The following TMPRSS6 variants were observed in gnomAD, a reference collection of about 807,000 sequenced individuals.
TMPRSS6 encodes the protein transmembrane protease serine 6.
Under a neutral mutation model 101.5 loss-of-function variants are expected in TMPRSS6, and 67 were observed. That is an observed-to-expected ratio of 0.66 (90% CI 0.54 to 0.81). TMPRSS6 has a LOEUF of 0.81. Among genes scored for constraint, TMPRSS6 ranks in the 30% least tolerant of loss-of-function variants. The pLI, the probability that TMPRSS6 is intolerant of heterozygous loss-of-function variation, is 0.00. For synonymous variants in TMPRSS6, 453 were observed against 464.9 expected, an observed-to-expected ratio of 0.97 and a Z score of 0.33; for missense variants, 1,034 against 1,088.7, an observed-to-expected ratio of 0.95 and a Z score of 0.71.
At chr22:37,077,337 C>G (rs1394033417) in intron 10 of TMPRSS6, among the ~76,000 whole-genome samples, 1 of 152,152 alleles carries the variant, frequency 6.6e-6, no homozygotes, top group East Asian at 1.9e-4. Flanking sequence ...AGGTCTGAGC[C>G]CCCTACATGC....
At chr22:37,082,718 C>G (rs572485856) in intron 10 of TMPRSS6, 2 of 348,930 alleles carry the variant, frequency 5.7e-6, no homozygotes, top group East Asian at 1.5e-4. Context: ...CCTGATGTCA[C>G]ACTCCATCAG....
chr22:37,107,325 C>T (rs1472597476), intron 1 of TMPRSS6, among the ~76,000 whole-genome samples: 5 of 152,130 alleles, frequency 3.3e-5, no homozygotes, highest in Non-Finnish European at 7.4e-5. Flanking sequence ...TCTTGGGTTT[C>T]CTGCCCAGCA....
intron 1 of TMPRSS6, among the ~76,000 whole-genome samples, chr22:37,108,983 A>G (rs1174963161): frequency 6.6e-6 from 1 of 152,162 alleles, no homozygotes; most frequent in East Asian, 1.9e-4. Flanking sequence ...TCTATTCATG[A>G]CACAAAAATT....
chr22:37,084,194 G>C, intron 10 of TMPRSS6, 101 bp downstream of exon 10: 2 of 1,040,886 alleles, frequency 1.9e-6, no homozygotes, highest in Non-Finnish European at 2.9e-6. Flanking sequence ...GCCCCTCTGA[G>C]ATTGGGGACT....
At chr22:37,106,586 C>T (rs1378309241) in intron 1 of TMPRSS6, among the ~76,000 whole-genome samples, 1 of 152,184 alleles carries the variant, frequency 6.6e-6, no homozygotes, top group East Asian at 1.9e-4. Flanking sequence ...AACTTCCCAC[C>T]CAAACCCCTG....
rs1050380051 is a variant in TMPRSS6, at chr22:37,084,313, C to A, written c.1178G>T (p.Trp393Leu). 1.2e-6 allele frequency: 2 copies of A among 1,613,698 alleles called. No homozygotes were observed. The highest frequency in any genetic ancestry group is 2.7e-5 in the African/African-American group (2 of 75,006). ...GTGGTACCTCCTGTTCTGGATCGTC[C>A]ACTGGCCCTGGGTGCACGGCAAATC... ...KYDLPCTQGQ[W>L]TIQNRRLCGL... Residue 393 changes from tryptophan to leucine, a missense_variant, in exon 10 of 18, where the codon TGG (tryptophan) becomes TTG (leucine). Transcript: ENST00000676104.
chr22:37,075,766 G>A (rs894642689), intron 10 of TMPRSS6, among the ~76,000 whole-genome samples: 2 of 152,162 alleles, frequency 1.3e-5, no homozygotes, highest in African/African-American at 4.8e-5. Flanking sequence ...GCCAGGCATG[G>A]TGGCACATGC....
At chr22:37,068,644 C>G in intron 16 of TMPRSS6, 1 of 779,698 alleles carries the variant, frequency 1.3e-6, no homozygotes, top group Non-Finnish European at 2.4e-6. Flanking sequence ...CTTGGTTTCT[C>G]CATCCATAAA....
Position 37,101,163 on chromosome 22 carries a change from C to A in TMPRSS6, c.202+2053G>T. 6.6e-6 allele frequency among the ~76,000 whole-genome samples: 1 copy of A among 151,888 alleles called. No homozygotes were observed. Among genetic ancestry groups the A allele is most frequent in the South Asian group, 2.1e-4 (1 of 4,806 alleles). ...AGAGGGCATCCTTGCTGGTGCTGGGCCATTGTGTGGGCAGAGGGGGCGGGA... is the reference window on the plus strand; with the variant it reads ...AGAGGGCATCCTTGCTGGTGCTGGGACATTGTGTGGGCAGAGGGGGCGGGA... On this transcript the variant is annotated intron_variant, in intron 2 of 17. Coordinates refer to ENST00000676104, the MANE Select transcript of TMPRSS6 (RefSeq NM_001374504.1). The surrounding 1 kb of genome is among the most constrained non-coding windows in gnomAD (Gnocchi z 4.1).
chr22:37,084,056 A>G, intron 10 of TMPRSS6: 1 of 599,520 alleles, frequency 1.7e-6, no homozygotes, highest in Admixed American at 3.0e-5. Context: ...GTGTCTGATG[A>G]CCAAACGTGT....
intron 7 of TMPRSS6, 97 bp downstream of exon 7, chr22:37,089,481 C>A (rs1315551811): frequency 3.2e-6 from 4 of 1,242,318 alleles, no homozygotes; most frequent in African/African-American, 3.0e-5. Context: ...AAGGTCCTAC[C>A]CTCCCTTGTC....
intron 10 of TMPRSS6, among the ~76,000 whole-genome samples, chr22:37,077,866 G>A (rs1486703187): frequency 6.6e-6 from 1 of 152,194 alleles, no homozygotes; most frequent in East Asian, 1.9e-4. Context: ...AGGGTACTCA[G>A]TCATTTTGCG....
chr22:37,079,017 G>GAAAGAAAGAAAGAAAGAA (rs374910501), intron 10 of TMPRSS6, among the ~76,000 whole-genome samples: 12 of 93,308 alleles, frequency 1.3e-4, no homozygotes, highest in South Asian at 9.8e-4. Context: ...AAGAAAGAAA[G>GAAAGAAAGAAAGAAAGAA]AGAAAGAGAG....
intron 10 of TMPRSS6, among the ~76,000 whole-genome samples, chr22:37,077,490 A>G (rs1313299603): frequency 6.6e-6 from 1 of 152,246 alleles, no homozygotes; most frequent in Non-Finnish European, 1.5e-5. Context: ...AGTCATGTTT[A>G]TAGTAACACT....
chr22:37,098,355 C>A (rs1400550617), intron 3 of TMPRSS6, 61 bp downstream of exon 3: 4 of 1,604,708 alleles, frequency 2.5e-6, no homozygotes, highest in African/African-American at 1.3e-5. Context: ...TGTGATCAGA[C>A]CCCACCCCTC....
At chr22:37,088,972 C>G (rs915648149) in intron 7 of TMPRSS6, among the ~76,000 whole-genome samples, 1 of 152,218 alleles carries the variant, frequency 6.6e-6, no homozygotes, top group African/African-American at 2.4e-5. Flanking sequence ...CCCACACCCC[C>G]GCCCCACACA....
intron 8 of TMPRSS6, 87 bp downstream of exon 8, chr22:37,086,196 G>A: frequency 6.3e-7 from 1 of 1,579,746 alleles, no homozygotes; most frequent in Non-Finnish European, 8.7e-7. Flanking sequence ...CTCAATTTGG[G>A]CAAAAAAGGT....
rs202222895 is a variant in TMPRSS6, at chr22:37,066,811, G to A, written c.2250+15C>T. 6.3e-5 allele frequency: 101 copies of A among 1,614,024 alleles called. No homozygotes were observed. Among genetic ancestry groups the A allele is most frequent in the Non-Finnish European group, 8.3e-5 (98 of 1,180,024 alleles). ...TTTCTCCCTCCTCTCTCCCTCCCATGCCCGGGGGACTCACCTGACAGGCAT... is the reference window on the plus strand; with the variant it reads ...TTTCTCCCTCCTCTCTCCCTCCCATACCCGGGGGACTCACCTGACAGGCAT... On this transcript the variant is annotated intron_variant, in intron 17 of 17. Coordinates refer to ENST00000676104, the MANE Select transcript of TMPRSS6 (RefSeq NM_001374504.1).
chr22:37,096,763 C>T, intron 3 of TMPRSS6, 48 bp from the exon 4 acceptor site: 3 of 1,538,910 alleles, frequency 1.9e-6, no homozygotes, highest in Non-Finnish European at 2.6e-6. Flanking sequence ...GCAGGGCAGA[C>T]AGGCCCACTT....
Sources: allele counts gnomAD v4.1 joint callset (sites outside exome capture counted in the v4.1 genomes callset), GRCh38; gene constraint gnomAD v4.1.1; non-coding constraint Gnocchi (gnomAD v3.1); transcripts MANE v1.5; gene names NCBI Gene and HGNC (gene_info 2026-07-23, HGNC 2026-07-21).